The following ZFHX4 variants were observed in gnomAD, a reference collection of about 807,000 sequenced individuals.
The protein encoded by ZFHX4 is zinc finger homeobox 4.
A neutral mutation model predicts 267.6 loss-of-function variants in ZFHX4; 56 were observed. The ratio of observed to expected loss-of-function variants is 0.21; its 90% CI spans 0.17 to 0.26. ZFHX4 has a LOEUF of 0.26. Among genes scored for constraint, ZFHX4 ranks in the 10% least tolerant of loss-of-function variants. ZFHX4 has a pLI of 1.00. For missense variants in ZFHX4, 4,332 were observed against 4,420.0 expected, an observed-to-expected ratio of 0.98 and a Z score of 0.56; for synonymous variants, 1,778 against 1,665.6, an observed-to-expected ratio of 1.07 and a Z score of -1.64.
intron 4 of ZFHX4, among the ~76,000 whole-genome samples, chr8:76,826,148 A>G (rs1162477370): frequency 6.6e-6 from 1 of 152,242 alleles, no homozygotes. Flanking sequence ...AAGCAGGCAC[A>G]TCACATGGCA....
chr8:76,846,472 AAC>A (rs1812367413), intron 6 of ZFHX4, among the ~76,000 whole-genome samples: 1 of 152,080 alleles, frequency 6.6e-6, no homozygotes, highest in East Asian at 1.9e-4. Context: ...GGTGACGCAT[AAC>A]TGTATTGAAT....
At position 76,822,335 on chromosome 8, in the gene ZFHX4, A is replaced by G. The variant is rs574207579; in HGVS notation, c.3326-11003A>G. On this transcript the variant is annotated intron_variant, in intron 4 of 10. Transcript: ENST00000651372. ...GTCCAAGACACCATCATCTCTGACAATATCAACAGTGACCTTATTTTACTT... is the reference window on the plus strand; with the variant it reads ...GTCCAAGACACCATCATCTCTGACAGTATCAACAGTGACCTTATTTTACTT... 3.3e-5 allele frequency among the ~76,000 whole-genome samples: 5 copies of G among 152,176 alleles called. No homozygotes were observed. The South Asian group carries it at 1.0e-3, about 32-fold the overall frequency.
Position 76,855,417 on chromosome 8 carries a change from T to C in ZFHX4, c.8496T>C (p.Asp2832=). Reference sequence around the variant, plus strand: ...AAAGCACCACAGGAAGTTCCGGAGATGTGAAACCGGCTTTGTCTCCCAAAG... The same window carrying C: ...AAAGCACCACAGGAAGTTCCGGAGACGTGAAACCGGCTTTGTCTCCCAAAG... The part of the protein sequence containing the change: ...EMESTTGSSG[D]VKPALSPKEP... The change falls in exon 10 of 11, where the codon GAT becomes GAC. Residue 2832 remains aspartate, a synonymous_variant. Coordinates refer to ENST00000651372, the MANE Select transcript of ZFHX4 (RefSeq NM_024721.5). The C allele has an allele frequency of 1.2e-6, 2 of 1,612,946 alleles. No homozygotes were observed. The highest frequency in any genetic ancestry group is 1.7e-5 in the Admixed American group (1 of 59,868).
At chr8:76,764,515 G>A (rs1810001516) in intron 3 of ZFHX4, among the ~76,000 whole-genome samples, 1 of 152,128 alleles carries the variant, frequency 6.6e-6, no homozygotes, top group African/African-American at 2.4e-5. Context: ...CTCCATCCTT[G>A]TGGGTTATTG....
intron 1 of ZFHX4, among the ~76,000 whole-genome samples, chr8:76,697,336 C>A (rs1043867114): frequency 9.2e-5 from 14 of 151,896 alleles, no homozygotes; most frequent in African/African-American, 3.1e-4. Flanking sequence ...TTCGGTATAT[C>A]TATTTTTGAA....
chr8:76,843,751 T>C (rs1008248634), intron 6 of ZFHX4, among the ~76,000 whole-genome samples: 1 of 152,186 alleles, frequency 6.6e-6, no homozygotes, highest in Non-Finnish European at 1.5e-5. Flanking sequence ...GGAGTTTGTA[T>C]TCACTATGAA....
intron 3 of ZFHX4, among the ~76,000 whole-genome samples, chr8:76,745,258 A>T (rs946266033): frequency 1.3e-5 from 2 of 152,148 alleles, no homozygotes; most frequent in Non-Finnish European, 2.9e-5. Context: ...CTTGACTTTC[A>T]ATTAGAGGGG....
At chr8:76,692,257 G>T (rs1430313483) in intron 1 of ZFHX4, among the ~76,000 whole-genome samples, 2 of 152,016 alleles carry the variant, frequency 1.3e-5, no homozygotes, top group Admixed American at 1.3e-4. Context: ...TAATAGAAAT[G>T]ACCATAATGC....
chr8:76,863,145 C>A lies in ZFHX4; in HGVS notation c.9431C>A (p.Ser3144Ter). ...GMLGFPTSATSSPALSLSSAP... is the reference protein window; with the variant it reads ...GMLGFPTSAT ...CTTGGGTTTCCTACTTCAGCTACTT[C>A]GTCTCCTGCCCTGTCTCTCAGCAGT... The change falls in exon 11 of 11, where the codon TCG (serine) becomes TAG (stop). Residue 3144 changes from serine to a stop codon, truncating the protein, a stop_gained. Transcript: ENST00000651372. LOFTEE classifies it high-confidence loss of function. 6.5e-7 allele frequency: 1 copy of A among 1,543,370 alleles called. No homozygotes were observed. The highest frequency in any genetic ancestry group is 8.7e-7 in the Non-Finnish European group (1 of 1,143,824).
At chr8:76,719,312 T>C (rs1400369360) in intron 3 of ZFHX4, among the ~76,000 whole-genome samples, 1 of 151,994 alleles carries the variant, frequency 6.6e-6, no homozygotes, top group African/African-American at 2.4e-5. Context: ...CAGAAATCTC[T>C]TCCTGCACAA....
rs1257327466 is a variant in ZFHX4 at position 76,706,314 on chromosome 8, T to C, written c.2226T>C (p.Ser742=). Residue 742 remains serine (S), a synonymous_variant, in exon 2 of 11, where the codon TCT becomes TCC. Transcript: ENST00000651372. ...ATGGTGAGCAGGTGTTTGGCCACTC[T>C]GCCCCAGCCCCCAACACCAGCCTCA... ...NGNGEQVFGH[S]APAPNTSLSG... The C allele has an allele frequency of 6.2e-7, 1 of 1,614,130 alleles. No homozygotes were observed. Among genetic ancestry groups the C allele is most frequent in the Non-Finnish European group, 8.5e-7 (1 of 1,180,004 alleles).
intron 3 of ZFHX4, among the ~76,000 whole-genome samples, chr8:76,758,952 G>A (rs891957117): frequency 1.3e-5 from 2 of 152,098 alleles, no homozygotes; most frequent in African/African-American, 2.4e-5. Context: ...AATGTATTTT[G>A]AAAATAAATA....
intron 1 of ZFHX4, among the ~76,000 whole-genome samples, chr8:76,697,402 T>A (rs914317801): frequency 6.6e-6 from 1 of 152,076 alleles, no homozygotes; most frequent in Admixed American, 6.5e-5. Flanking sequence ...ATTAATTTTT[T>A]AAATGTTCTT....
intron 1 of ZFHX4, chr8:76,683,994 T>A (rs974147137): frequency 1.3e-5 from 2 of 151,730 alleles, no homozygotes; most frequent in Non-Finnish European, 2.9e-5. Flanking sequence ...CTTGTTTTAC[T>A]TTGTATTTAC....
At chr8:76,756,901 A>G (rs538449887) in intron 3 of ZFHX4, among the ~76,000 whole-genome samples, 1 of 152,258 alleles carries the variant, frequency 6.6e-6, no homozygotes, top group East Asian at 1.9e-4. Flanking sequence ...AAAAAAGGTT[A>G]TTGTGTCTAT....
Position 76,854,242 on chromosome 8 carries a change from G to A in ZFHX4, c.7321G>A (p.Ala2441Thr). 1 of 1,569,158 alleles carries A rather than the reference G, an allele frequency of 6.4e-7. No homozygotes were observed. ...LASTSSDPPQ[A>T]STAQPQPQPQ... is the part of the protein sequence containing the mutation. ...ATCGACTTCCTCGGACCCACCACAG[G>A]CATCCACAGCCCAGCCACAGCCACA... The change falls in exon 10 of 11, where the codon GCA becomes ACA. Residue 2441 changes from alanine to threonine, a missense_variant. Physicochemically the swap from Ala to Thr is moderately conservative, Grantham distance 58. Around this residue, in one of 7 missense-constraint regions of ZFHX4, gnomAD observed 1,648 missense variants for 1,625.0 expected, o/e 1.01. Coordinates refer to ENST00000651372, the MANE Select transcript of ZFHX4 (RefSeq NM_024721.5).
At chr8:76,759,463 T>A (rs954472037) in intron 3 of ZFHX4, among the ~76,000 whole-genome samples, 1 of 152,202 alleles carries the variant, frequency 6.6e-6, no homozygotes, top group Non-Finnish European at 1.5e-5. Context: ...GCTAGTGAGG[T>A]CTTGGTGATG....
At chr8:76,786,960 C>G (rs1810707119) in intron 4 of ZFHX4, among the ~76,000 whole-genome samples, 1 of 152,032 alleles carries the variant, frequency 6.6e-6, no homozygotes, top group Non-Finnish European at 1.5e-5. Context: ...ATCAAATGAC[C>G]AACATATTTA....
intron 4 of ZFHX4, among the ~76,000 whole-genome samples, chr8:76,801,880 C>T (rs568578436): frequency 3.2e-4 from 48 of 152,220 alleles, no homozygotes; most frequent in African/African-American, 1.1e-3. Context: ...TATTTCTCAA[C>T]CTATAGCTGG....
Sources: allele counts gnomAD v4.1 joint callset (sites outside exome capture counted in the v4.1 genomes callset), GRCh38; gene constraint gnomAD v4.1.1; regional missense constraint gnomAD v4.1.1; transcripts MANE v1.5; gene names NCBI Gene and HGNC (gene_info 2026-07-23, HGNC 2026-07-21).